BICDL1: variants seen among roughly 807,000 people sequenced by gnomAD.
BICDL1 encodes BICD family like cargo adaptor 1.
BICDL1 carries 20 observed loss-of-function variants against 76.8 expected under a neutral mutation model. That is an observed-to-expected ratio of 0.26 (90% confidence interval 0.18 to 0.38). The LOEUF is 0.38. BICDL1 is among the 10% of genes least tolerant of loss of function. The probability of loss-of-function intolerance (pLI) is 1.00; values close to 1 mark genes in which losing one functional copy is unlikely to be tolerated. For synonymous variants in BICDL1, 383 were observed against 337.1 expected, an observed-to-expected ratio of 1.14 and a Z score of -1.49; for missense variants, 700 against 798.6, an observed-to-expected ratio of 0.88 and a Z score of 1.49.
Position 120,093,888 on chromosome 12 carries a change from C to A in BICDL1, c.*727C>A. On this transcript the variant is annotated 3_prime_UTR_variant, in exon 10 of 10. Transcript: ENST00000548673. The stretch of plus-strand genomic sequence containing the variant: ...GGCCAGGCAGAGTGTTATCACCAGT[C>A]ATCTGCAGGCTTTAGCCATCCAGCC... 4.0e-6 allele frequency: 1 copy of A among 251,222 alleles called. No individual in the cohort carries two copies. The allele number at this position is 251,222 out of a possible 1,614,324, so 15.6% of individuals were successfully genotyped here.
At chr12:120,007,458 C>G (rs577087981) in intron 2 of BICDL1, among the ~76,000 whole-genome samples, 6 of 152,110 alleles carry the variant, frequency 3.9e-5, no homozygotes, top group Non-Finnish European at 7.4e-5. Context: ...TCCCCCACCC[C>G]CCACGTACAC....
In BICDL1 at chr12:119,990,271, C is replaced by T. The variant is rs768508601; in HGVS notation, c.403C>T (p.His135Tyr). Reference protein sequence around the residue: ...QDMSRQYEQMHKELTDKLEHL... With the variant: ...QDMSRQYEQMYKELTDKLEHL... ...CATGAGCCGGCAGTACGAGCAGATG[C>T]ATAAGGAGCTGACAGACAAGCTCGA... The change falls in exon 1 of 10, where the codon CAT (histidine) becomes TAT (tyrosine). Residue 135 changes from histidine (H) to tyrosine (Y), a missense_variant. His to Tyr is a moderately conservative substitution (Grantham distance 83). Transcript: ENST00000548673. The T allele has an allele frequency of 1.8e-5, 29 of 1,573,776 alleles. No individual in the cohort carries two copies. The highest frequency in any genetic ancestry group is 1.7e-6 in the Non-Finnish European group (2 of 1,160,522).
chr12:119,998,502 C>T lies in BICDL1; in HGVS notation c.430-19C>T. On this transcript the variant is annotated intron_variant, in intron 1 of 9. Transcript: ENST00000548673. ...GTGGAATTTTTATCAGTGTTTAAAT[C>T]CCTTCACTTTTCACCCAGCACTTAG... is the stretch of plus-strand genomic sequence containing the variant. 6.4e-7 allele frequency: 1 copy of T among 1,574,740 alleles called. No homozygotes were observed. Among genetic ancestry groups the T allele is most frequent in the South Asian group, 1.2e-5 (1 of 85,218 alleles).
chr12:119,989,680 C>A lies in BICDL1; in HGVS notation c.-189C>A, dbSNP rs1951470008. Among the ~76,000 whole-genome samples the A allele has an allele frequency of 6.8e-6, 1 of 146,302 alleles. No individual in the cohort carries two copies. Among genetic ancestry groups the A allele is most frequent in the Non-Finnish European group, 1.5e-5 (1 of 65,916 alleles). On this transcript the variant is annotated 5_prime_UTR_variant, in exon 1 of 10. Transcript: ENST00000548673. Reference sequence around the variant, plus strand: ...CTGAGCCCGGGGGCGGGGGAGGGGGCGCGTGCCGCCGGCGCGGGGGAGGGG... The same window carrying A: ...CTGAGCCCGGGGGCGGGGGAGGGGGAGCGTGCCGCCGGCGCGGGGGAGGGG...
At chr12:120,047,103 G>A (rs1236163675) in intron 2 of BICDL1, among the ~76,000 whole-genome samples, 2 of 152,102 alleles carry the variant, frequency 1.3e-5, no homozygotes, top group Non-Finnish European at 2.9e-5. Flanking sequence ...TTAGACATTA[G>A]TTCAAATGAA....
chr12:120,027,837 A>G (rs918100030), intron 2 of BICDL1, among the ~76,000 whole-genome samples: 1 of 152,220 alleles, frequency 6.6e-6, no homozygotes, highest in African/African-American at 2.4e-5. Flanking sequence ...AACATCACTT[A>G]ACACCATCAT....
rs548275232 is a variant in BICDL1, at chr12:120,086,147, T to C, written c.1584-3804T>C. Among the ~76,000 whole-genome samples, 28 of 152,314 alleles carry C rather than the reference T, an allele frequency of 1.8e-4. No individual in the cohort carries two copies. In the South Asian group the frequency reaches 5.4e-3, roughly 29 times the overall value. ...GATTAGACTTGCAAATTCTCCCCTC[T>C]GGAAGGATGCCCCCAGTAGGGAGAA... On this transcript the variant is annotated intron_variant, in intron 8 of 9. Coordinates refer to ENST00000548673, the MANE Select transcript of BICDL1 (RefSeq NM_001367886.1).
chr12:120,002,244 A>G (rs984311988), intron 2 of BICDL1, among the ~76,000 whole-genome samples: 2 of 152,126 alleles, frequency 1.3e-5, no homozygotes, highest in African/African-American at 2.4e-5. Context: ...TTGATTACCT[A>G]TGTAAAGACC....
At chr12:120,076,310 AATG>A (rs1270668550) in intron 7 of BICDL1, among the ~76,000 whole-genome samples, 27 of 152,218 alleles carry the variant, frequency 1.8e-4, no homozygotes, top group Non-Finnish European at 4.0e-4. Context: ...GGAAAAATAA[AATG>A]CAGGAGAAAG....
At chr12:120,003,300 C>G (rs1012370265) in intron 2 of BICDL1, among the ~76,000 whole-genome samples, 1 of 152,132 alleles carries the variant, frequency 6.6e-6, no homozygotes, top group Non-Finnish European at 1.5e-5. Context: ...ACTGTAAACT[C>G]TATGAGAGCA....
chr12:120,028,339 C>T (rs2138747738), intron 2 of BICDL1, among the ~76,000 whole-genome samples: 1 of 152,060 alleles, frequency 6.6e-6, no homozygotes, highest in Non-Finnish European at 1.5e-5. Flanking sequence ...TTACAAAGGC[C>T]CATTGTCAAT....
chr12:120,093,229 C>G lies in BICDL1; in HGVS notation c.*68C>G, dbSNP rs889201793. 7.9e-6 allele frequency: 12 copies of G among 1,521,800 alleles called. No homozygotes were observed. The highest frequency in any genetic ancestry group is 6.2e-6 in the Non-Finnish European group (7 of 1,123,952). The allele number at this position is 1,521,800 out of a possible 1,614,324, so 94.3% of individuals were successfully genotyped here. A position where few individuals can be genotyped will look rare whatever the true frequency, so the allele number is the denominator to read the frequency against. On this transcript the variant is annotated 3_prime_UTR_variant, in exon 10 of 10. Transcript: ENST00000548673. ...AGCTGGAAAGGCGGTGCAGGCAAGG[C>G]CTCCCCTGCAGCTTGCACCTCAGCA...
intron 9 of BICDL1, chr12:120,091,911 GCCTGCCCTGAACACAGGCCTCA>G (rs1005882865): frequency 4.3e-5 from 42 of 985,162 alleles, no homozygotes; most frequent in Middle Eastern, 1.0e-3. Context: ...GCCACAGGGA[GCCTGCCCTGAACACAGGCCTCA>G]CCTGTCCTGT....
At chr12:120,020,641 C>T (rs1952159979) in intron 2 of BICDL1, among the ~76,000 whole-genome samples, 1 of 151,976 alleles carries the variant, frequency 6.6e-6, no homozygotes, top group Non-Finnish European at 1.5e-5. Flanking sequence ...ATTCCAACTC[C>T]TAATAAAATA....
chr12:120,034,470 C>A (rs190052607), intron 2 of BICDL1, among the ~76,000 whole-genome samples: 1 of 152,306 alleles, frequency 6.6e-6, no homozygotes, highest in African/African-American at 2.4e-5. Flanking sequence ...GGCAGTTAAT[C>A]CCTGGAGAGG....
intron 2 of BICDL1, among the ~76,000 whole-genome samples, chr12:120,060,947 C>T (rs1158144208): frequency 6.6e-6 from 1 of 152,140 alleles, no homozygotes; most frequent in African/African-American, 2.4e-5. Context: ...AGCATTGAGG[C>T]AGTTACTTAA....
intron 2 of BICDL1, among the ~76,000 whole-genome samples, chr12:120,047,337 G>C (rs1952768569): frequency 6.6e-6 from 1 of 152,120 alleles, no homozygotes; most frequent in Non-Finnish European, 1.5e-5. Context: ...GACTTAAAAA[G>C]GGGTAATGAA....
At chr12:120,050,094 T>C (rs1269564776) in intron 2 of BICDL1, among the ~76,000 whole-genome samples, 1 of 152,170 alleles carries the variant, frequency 6.6e-6, no homozygotes, top group Non-Finnish European at 1.5e-5. Flanking sequence ...TATTGGCCAT[T>C]CATTTATTTT....
At chr12:119,998,451 A>C in intron 1 of BICDL1, 70 bp from the exon 2 acceptor site, 2 of 1,341,856 alleles carry the variant, frequency 1.5e-6, no homozygotes, top group Non-Finnish European at 2.0e-6. Context: ...AAGTTGGGAC[A>C]GCGCGGAGAG....
Sources: gnomAD v4.1 joint callset for allele counts (sites outside exome capture counted in the v4.1 genomes callset) on GRCh38, gnomAD v4.1.1 for gene constraint, MANE v1.5 for transcripts, NCBI Gene and HGNC (gene_info 2026-07-23, HGNC 2026-07-21) for gene names.